The following TMEM8B variants were observed in gnomAD, a reference collection of about 807,000 sequenced individuals.
The protein encoded by TMEM8B is nasopharyngeal carcinoma expressed 6.
Under a neutral mutation model 49.3 loss-of-function variants are expected in TMEM8B, and 29 were observed. The ratio of observed to expected loss-of-function variants is 0.59; its 90% CI spans 0.44 to 0.80. The LOEUF (loss-of-function observed/expected upper bound fraction) is 0.80, where lower values mean the gene tolerates loss of function less well. TMEM8B is among the 30% of genes least tolerant of loss of function. TMEM8B has a pLI of 0.00. For missense variants in TMEM8B, 575 were observed against 658.5 expected, an observed-to-expected ratio of 0.87 and a Z score of 1.39; for synonymous variants, 264 against 272.8, an observed-to-expected ratio of 0.97 and a Z score of 0.32.
At position 35,855,637 on chromosome 9, in the gene TMEM8B, A is replaced by C. The variant is rs892545403; in HGVS notation, c.*1797A>C. On this transcript the variant is annotated 3_prime_UTR_variant, in exon 13 of 13. Coordinates refer to ENST00000643932, the MANE Select transcript of TMEM8B (RefSeq NM_001042590.4). ...TCAAACTCCCGGCCTCAGGTGATCC[A>C]CCCGCCTCGGCCTCCCAAAGTGCTG... 1.3e-5 allele frequency: 2 copies of C among 151,694 alleles called. No homozygotes were observed. Among genetic ancestry groups the C allele is most frequent in the Non-Finnish European group, 2.9e-5 (2 of 67,944 alleles). 9.4% of individuals were successfully genotyped at this position (151,694 alleles called of 1,614,324 possible). A position where few individuals can be genotyped will look rare whatever the true frequency, so the allele number is the denominator to read the frequency against.
In TMEM8B at chr9:35,835,052, A is replaced by C. The variant is rs1424122543; in HGVS notation, c.740A>C (p.His247Pro). Reference protein sequence around the residue: ...SGAPPVINPLHTHFPGDTAVP... With the variant: ...SGAPPVINPLPTHFPGDTAVP... ...GCACCCCCTGTCATCAATCCCCTGCATACACACTTCCCAGGGGACACAGCT... is the reference window on the plus strand; with the variant it reads ...GCACCCCCTGTCATCAATCCCCTGCCTACACACTTCCCAGGGGACACAGCT... Residue 247 changes from histidine (H) to proline (P), a missense_variant, in exon 3 of 13, where the codon CAT (histidine) becomes CCT (proline). His to Pro is a moderately conservative substitution (Grantham distance 77, BLOSUM62 -2). Transcript: ENST00000643932. 1 of 415,498 alleles carries C rather than the reference A, an allele frequency of 2.4e-6. No individual in the cohort carries two copies. The highest frequency in any genetic ancestry group is 4.4e-6 in the Non-Finnish European group (1 of 226,386). 25.7% of individuals were successfully genotyped at this position (415,498 alleles called of 1,614,324 possible).
In TMEM8B at chr9:35,858,759, C is replaced by CAGCCACTTCTGAGTAGAAGCTTTA. The variant is rs1360970144; in HGVS notation, c.*4922_*4945dup. The CAGCCACTTCTGAGTAGAAGCTTTA allele has an allele frequency of 6.6e-6, 1 of 152,282 alleles. No homozygotes were observed. Among genetic ancestry groups the CAGCCACTTCTGAGTAGAAGCTTTA allele is most frequent in the African/African-American group, 2.4e-5 (1 of 41,460 alleles). The allele number at this position is 152,282 out of a possible 1,614,324, so 9.4% of individuals were successfully genotyped here. A position where few individuals can be genotyped will look rare whatever the true frequency, so the allele number is the denominator to read the frequency against. On this transcript the variant is annotated 3_prime_UTR_variant, in exon 13 of 13. Transcript: ENST00000643932. ...CACTGAAATGTAGGTGGAGGCAACA[C>CAGCCACTTCTGAGTAGAAGCTTTA]AGCCACTTCTGAGTAGAAGCTTTAA...
In TMEM8B at chr9:35,855,334, CTCT is replaced by C. The variant is rs1157661634; in HGVS notation, c.*1499_*1501del. On this transcript the variant is annotated 3_prime_UTR_variant, in exon 13 of 13. Coordinates refer to ENST00000643932, the MANE Select transcript of TMEM8B (RefSeq NM_001042590.4). ...TTCTCACTACATCCTCTCCTCCTCT[CTCT>C]TCTTTCCCCCTTTCGTTAATATTGG... is the stretch of plus-strand genomic sequence containing the variant. 2 of 152,316 alleles carry C rather than the reference CTCT, an allele frequency of 1.3e-5. No homozygotes were observed. Among genetic ancestry groups the C allele is most frequent in the Non-Finnish European group, 2.9e-5 (2 of 68,050 alleles). 9.4% of individuals were successfully genotyped at this position (152,316 alleles called of 1,614,324 possible).
rs143183993 is a variant in TMEM8B at position 35,857,475 on chromosome 9, G to A, written c.*3635G>A. On this transcript the variant is annotated 3_prime_UTR_variant, in exon 13 of 13. Transcript: ENST00000643932. ...AGAACAGCACAATACATACAAGGGT[G>A]CGAAGACATGGGGGTGCGGCAGTAC... 6.6e-5 allele frequency: 10 copies of A among 152,372 alleles called. No homozygotes were observed. In the East Asian group the frequency reaches 1.9e-3, roughly 29 times the overall value. The allele number at this position is 152,372 out of a possible 1,614,324, so 9.4% of individuals were successfully genotyped here.
At chr9:35,848,523 G>A (rs1173517109) in intron 10 of TMEM8B, among the ~76,000 whole-genome samples, 1 of 152,112 alleles carries the variant, frequency 6.6e-6, no homozygotes, top group Non-Finnish European at 1.5e-5. Context: ...TATCCTGATT[G>A]GCTCCAGAGT....
At position 35,860,544 on chromosome 9, in the gene TMEM8B, T is replaced by G. The variant is rs919067663; in HGVS notation, c.*6704T>G. 6.6e-6 allele frequency: 1 copy of G among 152,180 alleles called. No individual in the cohort carries two copies. Among genetic ancestry groups the G allele is most frequent in the Non-Finnish European group, 1.5e-5 (1 of 68,034 alleles). 9.4% of individuals were successfully genotyped at this position (152,180 alleles called of 1,614,324 possible). ...AGATGAGCTCCGGAAGGCAGGTGGG[T>G]AATGGATGATGCTCACCTAGTGTTC... On this transcript the variant is annotated 3_prime_UTR_variant, in exon 13 of 13. Transcript: ENST00000643932.
At chr9:35,838,339 C>T (rs1830642197) in intron 3 of TMEM8B, among the ~76,000 whole-genome samples, 1 of 151,744 alleles carries the variant, frequency 6.6e-6, no homozygotes. Flanking sequence ...TTTTGAAACA[C>T]CTTCCCTTCT....
chr9:35,829,489 C>G lies in TMEM8B; in HGVS notation c.42C>G (p.Ser14=). The stretch of plus-strand genomic sequence containing the variant: ...CCCGGCCCCTCGTCCTATCCCAATC[C>G]CCGCCTTGGCCCCCAGCCCCGCCCT... ...PLSRPLVLSQ[S]PPWPPAPPSP... Residue 14 remains serine (S), a synonymous_variant, in exon 1 of 13, where the codon TCC becomes TCG. Coordinates refer to ENST00000643932, the MANE Select transcript of TMEM8B (RefSeq NM_001042590.4). The G allele has an allele frequency of 2.7e-6, 1 of 375,684 alleles. No homozygotes were observed. The highest frequency in any genetic ancestry group is 4.7e-6 in the Non-Finnish European group (1 of 211,520). 23.3% of individuals were successfully genotyped at this position (375,684 alleles called of 1,614,324 possible). A position where few individuals can be genotyped will look rare whatever the true frequency, so the allele number is the denominator to read the frequency against.
chr9:35,837,676 C>T (rs1830571158), intron 3 of TMEM8B, among the ~76,000 whole-genome samples: 1 of 152,204 alleles, frequency 6.6e-6, no homozygotes, highest in Admixed American at 6.5e-5. Flanking sequence ...TTCTGCCAGA[C>T]CCTGTGTCTG....
chr9:35,852,734 C>T, intron 10 of TMEM8B, 93 bp from the exon 11 acceptor site: 1 of 1,444,162 alleles, frequency 6.9e-7, no homozygotes, highest in Non-Finnish European at 9.6e-7. Flanking sequence ...GCTGCACTGA[C>T]AGCAGCACAC....
rs1459787890 is a variant in TMEM8B at position 35,856,765 on chromosome 9, T to C, written c.*2925T>C. The C allele has an allele frequency of 6.6e-6, 1 of 152,262 alleles. No homozygotes were observed. Among genetic ancestry groups the C allele is most frequent in the Non-Finnish European group, 1.5e-5 (1 of 68,066 alleles). 9.4% of individuals were successfully genotyped at this position (152,262 alleles called of 1,614,324 possible). A position where few individuals can be genotyped will look rare whatever the true frequency, so the allele number is the denominator to read the frequency against. ...TGGTGAGGTATGAGAGAGCCTAGGA[T>C]GATGGTGATATTCTGATTTGGGGAT... On this transcript the variant is annotated 3_prime_UTR_variant, in exon 13 of 13. Coordinates refer to ENST00000643932, the MANE Select transcript of TMEM8B (RefSeq NM_001042590.4).
chr9:35,837,118 C>T (rs951291254), intron 3 of TMEM8B, among the ~76,000 whole-genome samples: 11 of 152,112 alleles, frequency 7.2e-5, no homozygotes, highest in African/African-American at 2.4e-4. Context: ...GGCTTGAACA[C>T]AGGAATTTAT....
Position 35,865,213 on chromosome 9 carries a change from C to T in TMEM8B, c.*11373C>T, listed in dbSNP as rs372042114. 1 of 152,372 alleles carries T rather than the reference C, an allele frequency of 6.6e-6. No individual in the cohort carries two copies. Among genetic ancestry groups the T allele is most frequent in the East Asian group, 1.9e-4 (1 of 5,192 alleles). 9.4% of individuals were successfully genotyped at this position (152,372 alleles called of 1,614,324 possible). On this transcript the variant is annotated 3_prime_UTR_variant, in exon 13 of 13. Coordinates refer to ENST00000643932, the MANE Select transcript of TMEM8B (RefSeq NM_001042590.4). ...GGCTCCAGGCCCATAAGCCCGGCTT[C>T]ACTAGGCCTGGGTGTCTGGGTTGTG...
intron 3 of TMEM8B, among the ~76,000 whole-genome samples, chr9:35,840,074 A>C (rs1004829083): frequency 6.6e-6 from 1 of 152,100 alleles, no homozygotes; most frequent in African/African-American, 2.4e-5. Flanking sequence ...CCTCCCCTTA[A>C]CTGTGAGGTC....
rs1265681725 is a variant in TMEM8B, at chr9:35,853,301, T to G, written c.2439+44T>G. On this transcript the variant is annotated intron_variant, in intron 12 of 12. Coordinates refer to ENST00000643932, the MANE Select transcript of TMEM8B (RefSeq NM_001042590.4). The surrounding 1 kb of genome is among the most constrained non-coding windows in gnomAD (Gnocchi z 4.2). ...GTGGGGGGAGGGTCCCAGCAGGACT[T>G]GGGTGCTGGGCCCCAGGTATCTGGT... The G allele has an allele frequency of 3.3e-6, 5 of 1,537,760 alleles. No homozygotes were observed. Among genetic ancestry groups the G allele is most frequent in the Non-Finnish European group, 4.5e-6 (5 of 1,112,724 alleles).
chr9:35,846,263 C>G lies in TMEM8B; in HGVS notation c.1735C>G (p.Leu579Val). Residue 579 changes from leucine (L) to valine (V), a missense_variant, in exon 8 of 13, where the codon CTG becomes GTG. Transcript: ENST00000643932. ...CTCCTTCCTTCTCCCTTCAGAGTCC[C>G]TGGCCGGCTTCCTCCTCTCTGTCAG... ...DAAVTCSKESLAGFLLSVSAT... is the reference protein window; with the variant it reads ...DAAVTCSKESVAGFLLSVSAT... 3 of 1,614,256 alleles carry G rather than the reference C, an allele frequency of 1.9e-6. No individual in the cohort carries two copies. Among genetic ancestry groups the G allele is most frequent in the Non-Finnish European group, 2.5e-6 (3 of 1,180,042 alleles).
rs1287673606 is a variant in TMEM8B at position 35,856,390 on chromosome 9, G to T, written c.*2550G>T. On this transcript the variant is annotated 3_prime_UTR_variant, in exon 13 of 13. Coordinates refer to ENST00000643932, the MANE Select transcript of TMEM8B (RefSeq NM_001042590.4). ...GCACTGAATAGTTCAGTGTGCCTGG[G>T]CCAGTGCATGTGCGCATGCTTTTGT... The T allele has an allele frequency of 1.3e-5, 2 of 152,306 alleles. No individual in the cohort carries two copies. Among genetic ancestry groups the T allele is most frequent in the African/African-American group, 4.8e-5 (2 of 41,448 alleles). The allele number at this position is 152,306 out of a possible 1,614,324, so 9.4% of individuals were successfully genotyped here.
At position 35,852,420 on chromosome 9, in the gene TMEM8B, G is replaced by A. The variant is rs571360247; in HGVS notation, c.2176-407G>A. Among the ~76,000 whole-genome samples the A allele has an allele frequency of 2.6e-5, 4 of 152,276 alleles. No individual in the cohort carries two copies. In the South Asian group the frequency reaches 6.2e-4, roughly 24 times the overall value. ...CTAGCAGGGGAAACTGGGACATAGTGGGGAGATTTGGTTTCTGGGTAGCTT... is the reference window on the plus strand; with the variant it reads ...CTAGCAGGGGAAACTGGGACATAGTAGGGAGATTTGGTTTCTGGGTAGCTT... On this transcript the variant is annotated intron_variant, in intron 10 of 12. Coordinates refer to ENST00000643932, the MANE Select transcript of TMEM8B (RefSeq NM_001042590.4).
At position 35,846,865 on chromosome 9, in the gene TMEM8B, G is replaced by A; in HGVS notation, c.2045G>A (p.Gly682Glu). 1 of 1,614,214 alleles carries A rather than the reference G, an allele frequency of 6.2e-7. No homozygotes were observed. The highest frequency in any genetic ancestry group is 8.5e-7 in the Non-Finnish European group (1 of 1,180,044). The change falls in exon 10 of 13, where the codon GGA (glycine) becomes GAA (glutamate). Residue 682 changes from glycine (G) to glutamate (E), a missense_variant. Physicochemically the swap from Gly to Glu is moderately conservative, Grantham distance 98. Transcript: ENST00000643932. Reference sequence around the variant, plus strand: ...GACAGTGCAGATGCGCTCACCTATGGATTCCAGCTGCTGTCCACACTCCTG... The same window carrying A: ...GACAGTGCAGATGCGCTCACCTATGAATTCCAGCTGCTGTCCACACTCCTG... ...CTDSADALTY[G>E]FQLLSTLLLC...
Sources: gnomAD v4.1 joint callset for allele counts (sites outside exome capture counted in the v4.1 genomes callset) on GRCh38, gnomAD v4.1.1 for gene constraint, Gnocchi (gnomAD v3.1) non-coding constraint, MANE v1.5 for transcripts, NCBI Gene and HGNC (gene_info 2026-07-23, HGNC 2026-07-21) for gene names.